Variants in CNNM1 observed in about 807,000 individuals in gnomAD.
CNNM1 encodes metal transporter CNNM1.
CNNM1 carries 44 observed loss-of-function variants against 78.8 expected under a neutral mutation model. The ratio of observed to expected loss-of-function variants is 0.56; its 90% CI spans 0.44 to 0.72. The LOEUF is 0.72. CNNM1 is among the 30% of genes least tolerant of loss of function. The pLI is 0.00. For synonymous variants in CNNM1, 584 were observed against 581.5 expected (o/e 1.00, Z -0.06); for missense variants, 1,101 against 1,292.2 (o/e 0.85, Z 2.27).
intron 9 of CNNM1, among the ~76,000 whole-genome samples, chr10:99,389,952 C>A (rs1165252150): frequency 2.6e-5 from 4 of 152,202 alleles, no homozygotes; most frequent in African/African-American, 7.2e-5. Flanking sequence ...TCCACCTATC[C>A]TCACGTGTGC....
chr10:99,350,694 A>C (rs1167123595), intron 1 of CNNM1, among the ~76,000 whole-genome samples: 1 of 152,138 alleles, frequency 6.6e-6, no homozygotes, highest in East Asian at 1.9e-4. Context: ...TTTGTTACAT[A>C]GGTAAACGTG....
At chr10:99,337,119 G>T (rs946797066) in intron 1 of CNNM1, among the ~76,000 whole-genome samples, 18 of 152,274 alleles carry the variant, frequency 1.2e-4, no homozygotes, top group Admixed American at 1.1e-3. Flanking sequence ...TGTCATGTAA[G>T]TACTAAGTAG....
At chr10:99,371,346 G>C (rs754567500) in intron 6 of CNNM1, among the ~76,000 whole-genome samples, 14 of 152,092 alleles carry the variant, frequency 9.2e-5, no homozygotes, top group Non-Finnish European at 1.9e-4. Flanking sequence ...TCTGATCAGG[G>C]GTTTCCCCTG....
chr10:99,356,225 G>A (rs1023662153), intron 1 of CNNM1, among the ~76,000 whole-genome samples: 1 of 152,008 alleles, frequency 6.6e-6, no homozygotes, highest in Non-Finnish European at 1.5e-5. Flanking sequence ...GGAGGCCGAG[G>A]CAGGTGGATC....
intron 9 of CNNM1, among the ~76,000 whole-genome samples, chr10:99,390,102 G>C (rs1292572232): frequency 6.6e-6 from 1 of 152,090 alleles, no homozygotes; most frequent in African/African-American, 2.4e-5. Context: ...CCATCTTTTT[G>C]TTCCTTTTGT....
chr10:99,362,999 T>A (rs1470196880), intron 4 of CNNM1, among the ~76,000 whole-genome samples: 1 of 152,198 alleles, frequency 6.6e-6, no homozygotes, highest in Admixed American at 6.5e-5. Context: ...ATAAGTATGA[T>A]CACCTTCTGC....
chr10:99,390,781 C>G (rs1455644812), intron 10 of CNNM1, among the ~76,000 whole-genome samples: 1 of 152,222 alleles, frequency 6.6e-6, no homozygotes, highest in East Asian at 1.9e-4. Flanking sequence ...CCACAGGCCT[C>G]TAATATTTTC....
Position 99,391,687 on chromosome 10 carries a change from T to C in CNNM1, c.*171T>C. The stretch of plus-strand genomic sequence containing the variant: ...GTTTGGCAGATTTTCCCTCGTTACC[T>C]CCAGTTCGACTCAGAACCTTGACAT... On this transcript the variant is annotated 3_prime_UTR_variant, in exon 11 of 11. Coordinates refer to ENST00000356713, the MANE Select transcript of CNNM1 (RefSeq NM_020348.3). The C allele has an allele frequency of 1.7e-6, 1 of 594,050 alleles. No homozygotes were observed. The allele number at this position is 594,050 out of a possible 1,614,324, so 36.8% of individuals were successfully genotyped here.
chr10:99,343,501 A>G lies in CNNM1; in HGVS notation c.1573+12541A>G, dbSNP rs752839148. On this transcript the variant is annotated intron_variant, in intron 1 of 10. Coordinates refer to ENST00000356713, the MANE Select transcript of CNNM1 (RefSeq NM_020348.3). ...ATCCTCATTTTGTATATGCAGCACC[A>G]GAGATCTAAAGACAGAAGTGTCCTG... Among the ~76,000 whole-genome samples the G allele has an allele frequency of 2.0e-5, 3 of 152,256 alleles. No homozygotes were observed. In the South Asian group the frequency reaches 6.2e-4, roughly 32 times the overall value.
rs77385637 is a variant in CNNM1 at position 99,388,748 on chromosome 10, A to G, written c.2674+447A>G. ...ATTACAGTGTTCAGTACCATGCTTT[A>G]TAAATGTTACATAGCTATTATTAGG... On this transcript the variant is annotated intron_variant, in intron 9 of 10. Transcript: ENST00000356713. Among the ~76,000 whole-genome samples the G allele has an allele frequency of 3.9e-3, 594 of 152,312 alleles. 3 individuals are homozygous for G. The highest frequency in any genetic ancestry group is 0.013 in the African/African-American group (561 of 41,570).
intron 7 of CNNM1, among the ~76,000 whole-genome samples, chr10:99,385,187 C>G (rs1337610407): frequency 2.0e-5 from 3 of 152,166 alleles, no homozygotes; most frequent in African/African-American, 4.8e-5. Flanking sequence ...AGACTTCCAG[C>G]CTGGGGGACG....
Position 99,377,203 on chromosome 10 carries a change from T to C in CNNM1, c.2325T>C (p.Asp775=). The C allele has an allele frequency of 6.2e-7, 1 of 1,613,632 alleles. No homozygotes were observed. The highest frequency in any genetic ancestry group is 1.7e-5 in the Admixed American group (1 of 60,006). The change falls in exon 7 of 11, where the codon GAT becomes GAC. Residue 775 remains aspartate, a synonymous_variant. Coordinates refer to ENST00000356713, the MANE Select transcript of CNNM1 (RefSeq NM_020348.3). ...MPDYSVHILS[D]VQFVKITRQQ... Reference sequence around the variant, plus strand: ...ACTACTCAGTCCACATCCTCAGCGATGTGCAGTTTGTGAAGGTAACTCCCC... The same window carrying C: ...ACTACTCAGTCCACATCCTCAGCGACGTGCAGTTTGTGAAGGTAACTCCCC...
intron 6 of CNNM1, among the ~76,000 whole-genome samples, chr10:99,374,884 T>C (rs1212808556): frequency 2.0e-5 from 3 of 152,184 alleles, no homozygotes; most frequent in African/African-American, 7.2e-5. Context: ...GTTACTAATA[T>C]GTAATTAATA....
At chr10:99,356,608 A>AAAGAAAG in intron 1 of CNNM1, among the ~76,000 whole-genome samples, 1 of 134,524 alleles carries the variant, frequency 7.4e-6, no homozygotes, top group Non-Finnish European at 1.5e-5. Context: ...AAGAAAGAAA[A>AAAGAAAG]GAAAGAAAGA....
intron 1 of CNNM1, among the ~76,000 whole-genome samples, chr10:99,334,265 T>C (rs117626671): frequency 0.017 from 2,518 of 152,358 alleles, 42 homozygotes; most frequent in Non-Finnish European, 0.024. Context: ...CTGCAAGCCA[T>C]ATAACATAGT....
In CNNM1 at chr10:99,394,115, C is replaced by A. The variant is rs1270626837; in HGVS notation, c.*2599C>A. ...CTGGCTGGTCTTCATCACCTGAGGCCACCAGGCTCAAGCCACTGCTGTTGC... is the reference window on the plus strand; with the variant it reads ...CTGGCTGGTCTTCATCACCTGAGGCAACCAGGCTCAAGCCACTGCTGTTGC... On this transcript the variant is annotated 3_prime_UTR_variant, in exon 11 of 11. Transcript: ENST00000356713. 2 of 152,490 alleles carry A rather than the reference C, an allele frequency of 1.3e-5. No individual in the cohort carries two copies. Among genetic ancestry groups the A allele is most frequent in the East Asian group, 1.9e-4 (1 of 5,184 alleles). The allele number at this position is 152,490 out of a possible 1,614,324, so 9.4% of individuals were successfully genotyped here.
intron 1 of CNNM1, among the ~76,000 whole-genome samples, chr10:99,339,841 G>A (rs762036717): frequency 7.2e-5 from 11 of 152,314 alleles, no homozygotes; most frequent in African/African-American, 1.4e-4. Flanking sequence ...AATGCTGACC[G>A]TAGCTATTTT....
At position 99,330,404 on chromosome 10, in the gene CNNM1, C is replaced by G. The variant is rs763179973; in HGVS notation, c.1017C>G (p.Ala339=). 2 of 1,592,606 alleles carry G rather than the reference C, an allele frequency of 1.3e-6. No homozygotes were observed. The highest frequency in any genetic ancestry group is 8.5e-7 in the Non-Finnish European group (1 of 1,170,600). Residue 339 remains alanine, a synonymous_variant, in exon 1 of 11, where the codon GCC becomes GCG. Transcript: ENST00000356713. ...GCACCGGCGCGGTATTCCTGGGCGC[C>G]GAAATCTGCCCCTACTCAGTGTGTT... The part of the protein sequence containing the change: ...LVCTGAVFLG[A]EICPYSVCSR...
chr10:99,340,912 G>GCCTGCCTGCCTGCCTGCCTGCC (rs2030430827), intron 1 of CNNM1, among the ~76,000 whole-genome samples: 4 of 150,626 alleles, frequency 2.7e-5, no homozygotes, highest in Admixed American at 6.6e-5. Context: ...CTGCCTGCCT[G>GCCTGCCTGCCTGCCTGCCTGCC]TATTGAATGG....
Sources: allele counts gnomAD v4.1 joint callset (sites outside exome capture counted in the v4.1 genomes callset), GRCh38; gene constraint gnomAD v4.1.1; transcripts MANE v1.5; gene names NCBI Gene and HGNC (gene_info 2026-07-23, HGNC 2026-07-21).